The following ZNF385D variants were observed in gnomAD, a reference collection of about 807,000 sequenced individuals.
The protein encoded by ZNF385D is zinc finger protein 659.
In ZNF385D, 15 loss-of-function variants were observed where a neutral mutation model predicts 35.8. That is an observed-to-expected ratio of 0.42 (90% CI 0.28 to 0.64). The LOEUF is 0.64. Ranked by LOEUF, ZNF385D falls within the 30% of genes least tolerant of loss-of-function variation. The probability of loss-of-function intolerance (pLI) is 0.23; values close to 1 mark genes in which losing one functional copy is unlikely to be tolerated. For missense variants in ZNF385D, 474 were observed against 494.6 expected, an observed-to-expected ratio of 0.96 and a Z score of 0.39; for synonymous variants, 212 against 186.8, an observed-to-expected ratio of 1.13 and a Z score of -1.10.
At chr3:22,012,530 GAATA>G (rs1174636662) in intron 3 of ZNF385D, among the ~76,000 whole-genome samples, 2 of 152,030 alleles carry the variant, frequency 1.3e-5, no homozygotes, top group African/African-American at 4.8e-5. Flanking sequence ...TTTTAAAGAT[GAATA>G]AATATTACCC....
intron 3 of ZNF385D, among the ~76,000 whole-genome samples, chr3:21,976,031 C>T (rs147910211): frequency 6.6e-6 from 1 of 152,056 alleles, no homozygotes; most frequent in African/African-American, 2.4e-5. Flanking sequence ...ATGGCCCTAG[C>T]AAACACTCAG....
At chr3:21,672,769 A>G (rs140224484) in intron 1 of ZNF385D, among the ~76,000 whole-genome samples, 12 of 152,306 alleles carry the variant, frequency 7.9e-5, no homozygotes, top group Non-Finnish European at 1.3e-4. Flanking sequence ...CACTGTCATT[A>G]AATGCCACGA....
chr3:22,099,188 T>C (rs1242534548), intron 3 of ZNF385D, among the ~76,000 whole-genome samples: 1 of 152,010 alleles, frequency 6.6e-6, no homozygotes, highest in Non-Finnish European at 1.5e-5. Flanking sequence ...CATAATGAAG[T>C]TTTAAGTGAA....
At chr3:21,579,863 T>G in intron 2 of ZNF385D, 1 of 152,080 alleles carries the variant, frequency 6.6e-6, no homozygotes, top group East Asian at 1.9e-4. Flanking sequence ...TCTGTCTCGG[T>G]GCCCAAATTT....
chr3:21,454,304 G>A (rs888047468), intron 4 of ZNF385D, among the ~76,000 whole-genome samples: 17 of 136,130 alleles, frequency 1.2e-4, no homozygotes, highest in Admixed American at 6.7e-4. Context: ...TATAGTAAAG[G>A]CCTGTTTGTA....
At chr3:21,729,587 A>G (rs2068906811) in intron 1 of ZNF385D, among the ~76,000 whole-genome samples, 1 of 152,156 alleles carries the variant, frequency 6.6e-6, no homozygotes, top group African/African-American at 2.4e-5. Flanking sequence ...CCAGTGACTT[A>G]CTAGACTGGG....
intron 2 of ZNF385D, among the ~76,000 whole-genome samples, chr3:21,597,719 T>G (rs1043715531): frequency 1.3e-5 from 2 of 152,196 alleles, no homozygotes; most frequent in African/African-American, 4.8e-5. Context: ...GTGATTTATC[T>G]GGAACATTAA....
intron 3 of ZNF385D, chr3:21,849,527 G>T (rs1026276467): frequency 2.0e-5 from 3 of 149,460 alleles, no homozygotes; most frequent in African/African-American, 7.3e-5. Context: ...AATAATTAAA[G>T]AATATTCTAT....
intron 3 of ZNF385D, among the ~76,000 whole-genome samples, chr3:21,979,404 T>C (rs774505591): frequency 1.3e-5 from 2 of 152,208 alleles, no homozygotes; most frequent in Admixed American, 1.3e-4. Flanking sequence ...AGGTGTGAGA[T>C]TGAGCTTTTT....
chr3:22,073,005 C>T (rs966605259), intron 3 of ZNF385D, among the ~76,000 whole-genome samples: 1 of 151,928 alleles, frequency 6.6e-6, no homozygotes, highest in Admixed American at 6.6e-5. Flanking sequence ...CACTTTCAAT[C>T]TTTTCAGAAG....
At chr3:21,638,403 CA>C (rs1162646241) in intron 2 of ZNF385D, among the ~76,000 whole-genome samples, 3 of 152,004 alleles carry the variant, frequency 2.0e-5, no homozygotes, top group Non-Finnish European at 2.9e-5. Flanking sequence ...AGGTGTGCAA[CA>C]AGCCTCCTTT....
intron 3 of ZNF385D, among the ~76,000 whole-genome samples, chr3:21,925,739 G>A (rs924166140): frequency 6.6e-6 from 1 of 152,018 alleles, no homozygotes; most frequent in Non-Finnish European, 1.5e-5. Context: ...AAAATGATTA[G>A]TATCTAGAAT....
intron 2 of ZNF385D, among the ~76,000 whole-genome samples, chr3:22,196,297 G>T (rs931569401): frequency 2.6e-5 from 4 of 151,994 alleles, no homozygotes; most frequent in African/African-American, 9.7e-5. Context: ...GTTTTGTTCA[G>T]CATTTCACAG....
intron 3 of ZNF385D, among the ~76,000 whole-genome samples, chr3:21,550,929 C>T (rs558478210): frequency 2.0e-5 from 3 of 152,202 alleles, no homozygotes; most frequent in Non-Finnish European, 4.4e-5. Context: ...AGTTCCCCAA[C>T]ATAATGAATG....
intron 3 of ZNF385D, among the ~76,000 whole-genome samples, chr3:22,009,119 A>T (rs1368593019): frequency 6.6e-6 from 1 of 152,184 alleles, no homozygotes; most frequent in Admixed American, 6.5e-5. Context: ...GTAATATCTA[A>T]TTTATTTAAA....
intron 3 of ZNF385D, among the ~76,000 whole-genome samples, chr3:22,080,806 T>C (rs1700709835): frequency 1.3e-5 from 2 of 152,054 alleles, no homozygotes; most frequent in Non-Finnish European, 2.9e-5. Flanking sequence ...GTGGGTTTTA[T>C]AAATGGGACC....
chr3:21,524,923 T>C (rs1050248025), intron 3 of ZNF385D, among the ~76,000 whole-genome samples: 2 of 152,168 alleles, frequency 1.3e-5, no homozygotes, highest in African/African-American at 4.8e-5. Context: ...CCCTGGCATC[T>C]AGAGAAAGGG....
intron 3 of ZNF385D, among the ~76,000 whole-genome samples, chr3:21,976,206 T>C (rs912094709): frequency 1.3e-4 from 20 of 152,176 alleles, no homozygotes; most frequent in Admixed American, 1.2e-3. Context: ...AAATTATCAC[T>C]AAAATTTCTC....
intron 3 of ZNF385D, among the ~76,000 whole-genome samples, chr3:22,016,956 A>AC (rs1696925981): frequency 2.7e-5 from 4 of 149,646 alleles, no homozygotes; most frequent in Non-Finnish European, 6.0e-5. Flanking sequence ...ACACACACAC[A>AC]AACACACACA....
Sources: gnomAD v4.1 joint callset for allele counts (sites outside exome capture counted in the v4.1 genomes callset) on GRCh38, gnomAD v4.1.1 for gene constraint, MANE v1.5 for transcripts, NCBI Gene and HGNC (gene_info 2026-07-23, HGNC 2026-07-21) for gene names.